SPHKAP: variants seen among roughly 807,000 people sequenced by gnomAD.
SPHKAP encodes the protein A-kinase anchor protein SPHKAP.
In SPHKAP, 67 loss-of-function variants were observed where a neutral mutation model predicts 137.5. That is an observed-to-expected ratio of 0.49 (90% CI 0.40 to 0.60). SPHKAP has a LOEUF of 0.60. Ranked by LOEUF, SPHKAP falls within the 20% of genes least tolerant of loss-of-function variation. SPHKAP has a pLI of 0.00. For synonymous variants in SPHKAP, 813 were observed against 785.3 expected (o/e 1.04, Z -0.59); for missense variants, 2,097 against 2,069.3 (o/e 1.01, Z -0.26).
intron 3 of SPHKAP, among the ~76,000 whole-genome samples, chr2:228,064,640 A>T (rs1696766104): frequency 6.6e-6 from 1 of 152,186 alleles, no homozygotes; most frequent in South Asian, 2.1e-4. Context: ...CCTGATATAG[A>T]TGCTAATTAA....
chr2:228,151,505 C>T (rs6436760), intron 1 of SPHKAP, among the ~76,000 whole-genome samples: 37,943 of 151,960 alleles, frequency 0.25, 4,875 homozygotes, highest in South Asian at 0.43. Flanking sequence ...GAGGAATCAC[C>T]GCACTGACTT....
At chr2:228,022,013 A>G in intron 5 of SPHKAP, 47 bp from the exon 6 acceptor site, 1 of 1,525,276 alleles carries the variant, frequency 6.6e-7, no homozygotes, top group Non-Finnish European at 8.8e-7. Context: ...GGGAAAATAA[A>G]AGACTATTGC....
chr2:228,060,539 T>C lies in SPHKAP; in HGVS notation c.247-32996A>G, dbSNP rs552412800. 3.3e-5 allele frequency among the ~76,000 whole-genome samples: 5 copies of C among 152,334 alleles called. No individual in the cohort carries two copies. In the South Asian group the frequency reaches 1.0e-3, roughly 32 times the overall value. On this transcript the variant is annotated intron_variant, in intron 3 of 11. Coordinates refer to ENST00000392056, the MANE Select transcript of SPHKAP (RefSeq NM_001142644.2). ...CTCAAATGGTTACAGTGTTTTTAAT[T>C]TGATTAATAATTGGATACATTTTCA...
chr2:228,125,251 G>T (rs780113877), intron 2 of SPHKAP, among the ~76,000 whole-genome samples: 1 of 152,152 alleles, frequency 6.6e-6, no homozygotes, highest in African/African-American at 2.4e-5. Context: ...GATTGGAAAT[G>T]CCCAGCTATT....
intron 3 of SPHKAP, among the ~76,000 whole-genome samples, chr2:228,043,763 T>A (rs1227225648): frequency 6.6e-6 from 1 of 152,144 alleles, no homozygotes; most frequent in Admixed American, 6.5e-5. Flanking sequence ...AACATAATAT[T>A]GCATGCTTTA....
intron 3 of SPHKAP, among the ~76,000 whole-genome samples, chr2:228,085,272 C>T (rs1697502013): frequency 6.6e-6 from 1 of 152,120 alleles, no homozygotes; most frequent in African/African-American, 2.4e-5. Context: ...TTTTTGTTTG[C>T]CTGTACCTAC....
chr2:228,136,337 G>A lies in SPHKAP; in HGVS notation c.33-4252C>T, dbSNP rs953707918. Among the ~76,000 whole-genome samples the A allele has an allele frequency of 5.9e-5, 9 of 152,248 alleles. No homozygotes were observed. In the East Asian group the frequency reaches 1.5e-3, roughly 26 times the overall value. On this transcript the variant is annotated intron_variant, in intron 1 of 11. Coordinates refer to ENST00000392056, the MANE Select transcript of SPHKAP (RefSeq NM_001142644.2). ...TTTCAATGAGGATGTACATAAACAT[G>A]GGAAAGAAGGCACAAAACCAAATTT... is the stretch of plus-strand genomic sequence containing the variant.
intron 1 of SPHKAP, among the ~76,000 whole-genome samples, chr2:228,177,738 T>C (rs189827350): frequency 5.8e-4 from 89 of 152,306 alleles, no homozygotes; most frequent in African/African-American, 2.0e-3. Flanking sequence ...TGATGAGTTT[T>C]AGTGAAATGT....
At chr2:227,993,952 C>T (rs538748410) in intron 8 of SPHKAP, 167 of 682,874 alleles carry the variant, frequency 2.4e-4, no homozygotes, top group Admixed American at 3.1e-4. Flanking sequence ...ATTCTAGTTA[C>T]GGTGAAGGTA....
intron 7 of SPHKAP, 109 bp from the exon 8 acceptor site, chr2:227,995,803 C>T: frequency 7.4e-7 from 1 of 1,343,094 alleles, no homozygotes; most frequent in Non-Finnish European, 9.8e-7. Flanking sequence ...TCACTGGACA[C>T]AGGCAGAGTC....
intron 3 of SPHKAP, among the ~76,000 whole-genome samples, chr2:228,050,060 G>A (rs562262845): frequency 1.6e-4 from 24 of 151,956 alleles, no homozygotes; most frequent in Non-Finnish European, 3.1e-4. Context: ...AAAAAAACAC[G>A]TACAAGTGGC....
intron 1 of SPHKAP, among the ~76,000 whole-genome samples, chr2:228,161,636 A>T (rs956643675): frequency 1.3e-5 from 2 of 152,098 alleles, no homozygotes; most frequent in Non-Finnish European, 1.5e-5. Flanking sequence ...GCAGCAAACC[A>T]CCATGGCACA....
chr2:228,132,356 T>C, intron 1 of SPHKAP: 1 of 176,346 alleles, frequency 5.7e-6, no homozygotes, highest in Non-Finnish European at 1.1e-5. Flanking sequence ...TCTGTCTGAC[T>C]ACTGGCCTTG....
intron 3 of SPHKAP, among the ~76,000 whole-genome samples, chr2:228,029,334 T>A (rs1468143719): frequency 1.3e-5 from 2 of 152,212 alleles, no homozygotes; most frequent in African/African-American, 4.8e-5. Flanking sequence ...GGTTTCTTAG[T>A]CCATCTTTTT....
At chr2:228,067,627 C>G (rs1334263718) in intron 3 of SPHKAP, among the ~76,000 whole-genome samples, 2 of 152,110 alleles carry the variant, frequency 1.3e-5, no homozygotes, top group East Asian at 3.9e-4. Flanking sequence ...AGCACTTATG[C>G]ATGTCTCTGT....
chr2:228,136,886 G>T (rs1429214502), intron 1 of SPHKAP, among the ~76,000 whole-genome samples: 1 of 152,068 alleles, frequency 6.6e-6, no homozygotes, highest in African/African-American at 2.4e-5. Context: ...CTTCATTTAG[G>T]AATATTCTAC....
intron 3 of SPHKAP, among the ~76,000 whole-genome samples, chr2:228,054,331 T>C (rs879390933): frequency 6.6e-6 from 1 of 152,032 alleles, no homozygotes; most frequent in Non-Finnish European, 1.5e-5. Context: ...TTTTCTCTGG[T>C]GGGAGAATCA....
intron 3 of SPHKAP, among the ~76,000 whole-genome samples, chr2:228,081,107 G>T (rs937583365): frequency 1.3e-5 from 2 of 152,104 alleles, no homozygotes; most frequent in Admixed American, 6.5e-5. Context: ...CTTTCCTTTT[G>T]TTCCTAAGCC....
chr2:227,993,828 A>G (rs1693515153), intron 8 of SPHKAP, among the ~76,000 whole-genome samples: 1 of 152,156 alleles, frequency 6.6e-6, no homozygotes, highest in African/African-American at 2.4e-5. Context: ...GCAGATAATA[A>G]TAATACTACT....
Sources: allele counts gnomAD v4.1 joint callset (sites outside exome capture counted in the v4.1 genomes callset), GRCh38; gene constraint gnomAD v4.1.1; transcripts MANE v1.5; gene names NCBI Gene and HGNC (gene_info 2026-07-23, HGNC 2026-07-21).